Variants in MAFK observed in about 807,000 individuals in gnomAD.
MAFK encodes the protein transcription factor MafK.
A neutral mutation model predicts 9.2 loss-of-function variants in MAFK; 1 was observed. The ratio of observed to expected loss-of-function variants is 0.11; its 90% CI spans 0.04 to 0.52. The LOEUF (loss-of-function observed/expected upper bound fraction) is 0.52. MAFK is among the 20% of genes least tolerant of loss of function. The probability of loss-of-function intolerance (pLI) is 0.94; values close to 1 mark genes in which losing one functional copy is unlikely to be tolerated. For synonymous variants in MAFK, 110 were observed against 107.4 expected (o/e 1.02, Z -0.15); for missense variants, 207 against 236.0 (o/e 0.88, Z 0.81).
chr7:1,536,433 A>G (rs1309192562), intron 1 of MAFK, among the ~76,000 whole-genome samples: 3 of 152,134 alleles, frequency 2.0e-5, no homozygotes, highest in Admixed American at 6.5e-5. Context: ...GGCCCGGGGT[A>G]GTGCACGGGC....
chr7:1,540,042 G>C lies in MAFK; in HGVS notation c.138G>C (p.Lys46Asn). The C allele has an allele frequency of 6.4e-7, 1 of 1,559,490 alleles. No individual in the cohort carries two copies. The highest frequency in any genetic ancestry group is 8.7e-7 in the Non-Finnish European group (1 of 1,151,764). Residue 46 changes from lysine (K) to asparagine (N), a missense_variant, in exon 3 of 3, where the codon AAG becomes AAC. Coordinates refer to ENST00000343242, the MANE Select transcript of MAFK (RefSeq NM_002360.4). ...ACCAGCACCTGCGGGGTCTCACCAA[G>C]GAGGAGGTGACCCGCCTGAAGCAGC... Reference protein sequence around the residue: ...ELNQHLRGLTKEEVTRLKQRR... With the variant: ...ELNQHLRGLTNEEVTRLKQRR...
At chr7:1,537,413 G>A in intron 1 of MAFK, 1 of 985,540 alleles carries the variant, frequency 1.0e-6, no homozygotes, top group Non-Finnish European at 1.2e-6. Context: ...TGCTCGCAGT[G>A]GAGCTGGAAG....
Position 1,541,508 on chromosome 7 carries a change from C to G in MAFK, c.*1133C>G, listed in dbSNP as rs997567565. On this transcript the variant is annotated 3_prime_UTR_variant, in exon 3 of 3. Coordinates refer to ENST00000343242, the MANE Select transcript of MAFK (RefSeq NM_002360.4). The stretch of plus-strand genomic sequence containing the variant: ...GCCGTGTGCGAGAGCAGGTGGAAAG[C>G]CTTGAGGGGCAGGACCAGGATGCAG... 1 of 152,920 alleles carries G rather than the reference C, an allele frequency of 6.5e-6. No homozygotes were observed. The highest frequency in any genetic ancestry group is 2.4e-5 in the African/African-American group (1 of 41,364). The allele number at this position is 152,920 out of a possible 1,614,324, so 9.5% of individuals were successfully genotyped here.
intron 1 of MAFK, among the ~76,000 whole-genome samples, chr7:1,535,981 C>T (rs1784018354): frequency 6.6e-6 from 1 of 152,230 alleles, no homozygotes; most frequent in Non-Finnish European, 1.5e-5. Context: ...GGAAGTGATG[C>T]CCCCGCTGAG....
chr7:1,538,263 G>T, intron 1 of MAFK: 2 of 985,282 alleles, frequency 2.0e-6, no homozygotes, highest in Non-Finnish European at 2.4e-6. Context: ...CGGCGGGGGC[G>T]GCGGCGGGGA....
chr7:1,534,766 C>T lies in MAFK; in HGVS notation c.-45+3868C>T, dbSNP rs116844385. 0.022 allele frequency: 8,693 copies of T among 398,928 alleles called. 183 individuals are homozygous for T. Among genetic ancestry groups the T allele is most frequent in the Middle Eastern group, 0.043 (120 of 2,770 alleles). 24.7% of individuals were successfully genotyped at this position (398,928 alleles called of 1,614,324 possible). A position where few individuals can be genotyped will look rare whatever the true frequency, so the allele number is the denominator to read the frequency against. ...CATGCTGGCCTCGTAGAGCGAGCGG[C>T]AGCCCCGATGCGTCCTCTCATCTGG... is the stretch of plus-strand genomic sequence containing the variant. On this transcript the variant is annotated intron_variant, in intron 1 of 2. Coordinates refer to ENST00000343242, the MANE Select transcript of MAFK (RefSeq NM_002360.4). The surrounding 1 kb of genome is among the most constrained non-coding windows in gnomAD (Gnocchi z 4.3).
In MAFK at chr7:1,537,456, A is replaced by G. The variant is rs540934704; in HGVS notation, c.-44-1693A>G. On this transcript the variant is annotated intron_variant, in intron 1 of 2. Coordinates refer to ENST00000343242, the MANE Select transcript of MAFK (RefSeq NM_002360.4). ...CGCGGCCCCTCCCTCTGACATGGAA[A>G]AGTTTCTCATGGTGCTCCCAGCCGC... 8.6e-5 allele frequency: 85 copies of G among 985,548 alleles called. 1 individual carries two copies. In the South Asian group the frequency reaches 3.7e-3, roughly 42 times the overall value. 61.1% of individuals were successfully genotyped at this position (985,548 alleles called of 1,614,324 possible). A position where few individuals can be genotyped will look rare whatever the true frequency, so the allele number is the denominator to read the frequency against.
In MAFK at chr7:1,540,070, C is replaced by T. The variant is rs1191633033; in HGVS notation, c.166C>T (p.Arg56Trp). ...GGAGGTGACCCGCCTGAAGCAGCGT[C>T]GGCGCACACTCAAGAACCGCGGCTA... ...KEEVTRLKQR[R>W]RTLKNRGYAA... The change falls in exon 3 of 3, where the codon CGG (arginine) becomes TGG (tryptophan). Residue 56 changes from arginine (R) to tryptophan (W), a missense_variant. Transcript: ENST00000343242. 5 of 1,561,990 alleles carry T rather than the reference C, an allele frequency of 3.2e-6. No individual in the cohort carries two copies. Among genetic ancestry groups the T allele is most frequent in the Non-Finnish European group, 4.3e-6 (5 of 1,153,236 alleles).
In MAFK at chr7:1,540,480, C is replaced by G; in HGVS notation, c.*105C>G. On this transcript the variant is annotated 3_prime_UTR_variant, in exon 3 of 3. Transcript: ENST00000343242. ...GATGCAGACTCTCGACATCCGAGTCCAAGCGCAGGCCCCTCGGGCGCAGGC... is the reference window on the plus strand; with the variant it reads ...GATGCAGACTCTCGACATCCGAGTCGAAGCGCAGGCCCCTCGGGCGCAGGC... 8.7e-7 allele frequency: 1 copy of G among 1,146,420 alleles called. No homozygotes were observed. Among genetic ancestry groups the G allele is most frequent in the Non-Finnish European group, 1.2e-6 (1 of 830,096 alleles). The allele number at this position is 1,146,420 out of a possible 1,614,324, so 71.0% of individuals were successfully genotyped here. A position where few individuals can be genotyped will look rare whatever the true frequency, so the allele number is the denominator to read the frequency against.
intron 1 of MAFK, 97 bp from the exon 2 acceptor site, chr7:1,539,052 C>T: frequency 1.1e-6 from 1 of 922,666 alleles, no homozygotes; most frequent in Non-Finnish European, 1.7e-6. Flanking sequence ...ACTGTCCACC[C>T]CGGGCTGAGA....
intron 1 of MAFK, chr7:1,538,482 A>C: frequency 3.1e-5 from 2 of 64,924 alleles, no homozygotes; most frequent in Non-Finnish European, 6.2e-5. Flanking sequence ...GCCTGTGGGG[A>C]GGGCGGGGCG....
At position 1,540,505 on chromosome 7, in the gene MAFK, C is replaced by T; in HGVS notation, c.*130C>T. The stretch of plus-strand genomic sequence containing the variant: ...CAAGCGCAGGCCCCTCGGGCGCAGG[C>T]AGCTCACACCAGGAAGAGACTGTAT... On this transcript the variant is annotated 3_prime_UTR_variant, in exon 3 of 3. Coordinates refer to ENST00000343242, the MANE Select transcript of MAFK (RefSeq NM_002360.4). 1 of 905,972 alleles carries T rather than the reference C, an allele frequency of 1.1e-6. No individual in the cohort carries two copies. The highest frequency in any genetic ancestry group is 1.6e-6 in the Non-Finnish European group (1 of 616,062). 56.1% of individuals were successfully genotyped at this position (905,972 alleles called of 1,614,324 possible). A position where few individuals can be genotyped will look rare whatever the true frequency, so the allele number is the denominator to read the frequency against.
rs1562549414 is a variant in MAFK at position 1,541,893 on chromosome 7, CG to C, written c.*1523del. 1 of 152,520 alleles carries C rather than the reference CG, an allele frequency of 6.6e-6. No individual in the cohort carries two copies. Among genetic ancestry groups the C allele is most frequent in the Non-Finnish European group, 1.5e-5 (1 of 68,172 alleles). 9.4% of individuals were successfully genotyped at this position (152,520 alleles called of 1,614,324 possible). The stretch of plus-strand genomic sequence containing the variant: ...AGCTGGCGGAATGTGAGCCGCCGGC[CG>C]GGGGCCGCCACATAAGACCTGCAAG... On this transcript the variant is annotated 3_prime_UTR_variant, in exon 3 of 3. Transcript: ENST00000343242.
At position 1,530,759 on chromosome 7, in the gene MAFK, C is replaced by G. The variant is rs1248311988; in HGVS notation, c.-184C>G. On this transcript the variant is annotated 5_prime_UTR_variant, in exon 1 of 3. Coordinates refer to ENST00000343242, the MANE Select transcript of MAFK (RefSeq NM_002360.4). Reference sequence around the variant, plus strand: ...GGTGGCGGCGGGCGGCGCGGGGGCACTTGTTGTTCTTCGCGAAGTCGGAGC... The same window carrying G: ...GGTGGCGGCGGGCGGCGCGGGGGCAGTTGTTGTTCTTCGCGAAGTCGGAGC... 3 of 148,780 alleles carry G rather than the reference C, an allele frequency of 2.0e-5. No homozygotes were observed. The highest frequency in any genetic ancestry group is 4.5e-5 in the Non-Finnish European group (3 of 66,424). 9.2% of individuals were successfully genotyped at this position (148,780 alleles called of 1,614,324 possible). A position where few individuals can be genotyped will look rare whatever the true frequency, so the allele number is the denominator to read the frequency against.
At chr7:1,539,305 C>T in intron 2 of MAFK, 77 bp downstream of exon 2, 1 of 1,244,290 alleles carries the variant, frequency 8.0e-7, no homozygotes. Context: ...CCCTGCTATC[C>T]CAGGGCCGTC....
intron 1 of MAFK, chr7:1,538,301 G>C: frequency 1.0e-6 from 1 of 985,568 alleles, no homozygotes; most frequent in Non-Finnish European, 1.2e-6. Context: ...TCAAATGCTC[G>C]GCAGGGCGGC....
chr7:1,538,486 C>T (rs1204085533), intron 1 of MAFK: 7 of 89,002 alleles, frequency 7.9e-5, no homozygotes, highest in Non-Finnish European at 1.6e-4. Flanking sequence ...GTGGGGAGGG[C>T]GGGGCGGGAG....
At chr7:1,533,368 T>G (rs1217552620) in intron 1 of MAFK, among the ~76,000 whole-genome samples, 2 of 152,236 alleles carry the variant, frequency 1.3e-5, no homozygotes, top group Non-Finnish European at 2.9e-5. Flanking sequence ...GAGCTCACCA[T>G]GCCTTGGGGA....
rs1201632914 is a variant in MAFK, at chr7:1,540,668, A to G, written c.*293A>G. ...CTTGCACCCGTGGGAGTCGGGACAT[A>G]TAATGGAAAGGCCCTCGGGAAGTTC... On this transcript the variant is annotated 3_prime_UTR_variant, in exon 3 of 3. Coordinates refer to ENST00000343242, the MANE Select transcript of MAFK (RefSeq NM_002360.4). 2 of 423,734 alleles carry G rather than the reference A, an allele frequency of 4.7e-6. No individual in the cohort carries two copies. The highest frequency in any genetic ancestry group is 2.1e-5 in the African/African-American group (1 of 47,496). The allele number at this position is 423,734 out of a possible 1,614,324, so 26.2% of individuals were successfully genotyped here.
Sources: gnomAD v4.1 joint callset for allele counts (sites outside exome capture counted in the v4.1 genomes callset) on GRCh38, gnomAD v4.1.1 for gene constraint, Gnocchi (gnomAD v3.1) non-coding constraint, MANE v1.5 for transcripts, NCBI Gene and HGNC (gene_info 2026-07-23, HGNC 2026-07-21) for gene names.